ST18: variants seen among roughly 807,000 people sequenced by gnomAD.
ST18 encodes the protein suppression of tumorigenicity 18 protein.
A neutral mutation model predicts 110.0 loss-of-function variants in ST18; 50 were observed. The observed-to-expected ratio is 0.45, with a 90% CI of 0.36 to 0.58. The LOEUF (loss-of-function observed/expected upper bound fraction) is 0.58, where lower values mean the gene tolerates loss of function less well. Among genes scored for constraint, ST18 ranks in the 20% least tolerant of loss-of-function variants. The probability of loss-of-function intolerance (pLI) is 0.00; values close to 1 mark genes in which losing one functional copy is unlikely to be tolerated. For missense variants in ST18, 1,306 were observed against 1,280.1 expected (o/e 1.02, Z -0.31); for synonymous variants, 461 against 452.4 (o/e 1.02, Z -0.24).
At chr8:52,295,827 C>G (rs897499518) in intron 2 of ST18, among the ~76,000 whole-genome samples, 1 of 151,614 alleles carries the variant, frequency 6.6e-6, no homozygotes. Context: ...TGCCTCTTCC[C>G]TGCACGCTCA....
intron 5 of ST18, among the ~76,000 whole-genome samples, chr8:52,220,216 G>A (rs867146714): frequency 4.6e-5 from 7 of 152,140 alleles, no homozygotes; most frequent in Non-Finnish European, 7.4e-5. Context: ...TGCATCTGTT[G>A]CAAAATATGT....
At chr8:52,204,703 A>C (rs1417109076) in intron 8 of ST18, among the ~76,000 whole-genome samples, 3 of 152,234 alleles carry the variant, frequency 2.0e-5, no homozygotes, top group African/African-American at 7.2e-5. Flanking sequence ...ATATTACAAG[A>C]AAAGAAAAGC....
chr8:52,114,173 T>C (rs1389412720), intron 25 of ST18, among the ~76,000 whole-genome samples: 1 of 151,952 alleles, frequency 6.6e-6, no homozygotes, highest in Non-Finnish European at 1.5e-5. Context: ...TTTCACCATG[T>C]TGGCCAGGCT....
Position 52,180,252 on chromosome 8 carries a change from A to G in ST18, c.147T>C (p.Val49=), listed in dbSNP as rs2134184596. 4 of 1,614,180 alleles carry G rather than the reference A, an allele frequency of 2.5e-6. No homozygotes were observed. Among genetic ancestry groups the G allele is most frequent in the African/African-American group, 1.3e-5 (1 of 75,030 alleles). The part of the protein sequence containing the change: ...KRTAEDQALG[V]PVNKRKSLLM... ...GCAGGGATTTCCTTTTGTTGACTGGAACCCCCAAAGCCTGATCTTCAGCTG... is the reference window on the plus strand; with the variant it reads ...GCAGGGATTTCCTTTTGTTGACTGGGACCCCCAAAGCCTGATCTTCAGCTG... Residue 49 remains valine (V), a synonymous_variant, in exon 9 of 26, where the codon GTT becomes GTC. Transcript: ENST00000689386.
chr8:52,175,238 C>T (rs910259590), intron 9 of ST18, among the ~76,000 whole-genome samples: 1 of 152,128 alleles, frequency 6.6e-6, no homozygotes, highest in Non-Finnish European at 1.5e-5. Context: ...TTGCCCCTGC[C>T]CCAGCTACTA....
intron 2 of ST18, among the ~76,000 whole-genome samples, chr8:52,318,953 A>T (rs2096076206): frequency 6.6e-6 from 1 of 152,018 alleles, no homozygotes; most frequent in Admixed American, 6.6e-5. Flanking sequence ...GAGGGAGAGG[A>T]TCGGGAAGAA....
intron 2 of ST18, among the ~76,000 whole-genome samples, chr8:52,345,105 GA>G (rs1180994211): frequency 6.6e-6 from 1 of 151,882 alleles, no homozygotes; most frequent in Non-Finnish European, 1.5e-5. Flanking sequence ...CCAAAACTAG[GA>G]AAAATATCAC....
chr8:52,399,887 T>C (rs191207322), intron 2 of ST18, among the ~76,000 whole-genome samples: 2 of 152,062 alleles, frequency 1.3e-5, no homozygotes, highest in African/African-American at 4.8e-5. Flanking sequence ...ATTCTGCTGC[T>C]ATTAGATTGA....
At chr8:52,327,258 T>G (rs1342532642) in intron 2 of ST18, among the ~76,000 whole-genome samples, 1 of 152,218 alleles carries the variant, frequency 6.6e-6, no homozygotes, top group Non-Finnish European at 1.5e-5. Flanking sequence ...GGATGTCTCT[T>G]TTGGTAGAAG....
intron 2 of ST18, among the ~76,000 whole-genome samples, chr8:52,360,266 G>A (rs553909576): frequency 6.6e-6 from 1 of 151,906 alleles, no homozygotes; most frequent in Non-Finnish European, 1.5e-5. Flanking sequence ...AATTTAAAAT[G>A]CATGTTTATA....
chr8:52,150,305 CAT>C (rs905095873), intron 15 of ST18, among the ~76,000 whole-genome samples: 5 of 151,966 alleles, frequency 3.3e-5, no homozygotes, highest in Admixed American at 3.3e-4. Context: ...TATATATACA[CAT>C]ACACACACAT....
At chr8:52,192,567 C>T (rs2074898237) in intron 8 of ST18, among the ~76,000 whole-genome samples, 1 of 152,224 alleles carries the variant, frequency 6.6e-6, no homozygotes, top group Non-Finnish European at 1.5e-5. Flanking sequence ...GAGAGGCTAG[C>T]TTGGACGTGA....
chr8:52,293,310 G>T (rs1192421852), intron 2 of ST18, among the ~76,000 whole-genome samples: 1 of 152,222 alleles, frequency 6.6e-6, no homozygotes, highest in Non-Finnish European at 1.5e-5. Context: ...TGACTCTGCT[G>T]CATGAACCAG....
chr8:52,250,401 C>T (rs748547516), intron 2 of ST18, among the ~76,000 whole-genome samples: 8 of 133,868 alleles, frequency 6.0e-5, no homozygotes, highest in Non-Finnish European at 1.2e-4. Flanking sequence ...AGGCCGTTTT[C>T]CTACTATCAG....
chr8:52,111,704 A>G lies in ST18; in HGVS notation c.*1494T>C, dbSNP rs2040581797. 6.6e-6 allele frequency: 1 copy of G among 152,618 alleles called. No homozygotes were observed. Among genetic ancestry groups the G allele is most frequent in the South Asian group, 2.1e-4 (1 of 4,826 alleles). 9.5% of individuals were successfully genotyped at this position (152,618 alleles called of 1,614,324 possible). A position where few individuals can be genotyped will look rare whatever the true frequency, so the allele number is the denominator to read the frequency against. ...TAGCACAGAAAATTAAGCCCACATG[A>G]AGTTCATGTGTACATTTACACAGAG... is the stretch of plus-strand genomic sequence containing the variant. On this transcript the variant is annotated 3_prime_UTR_variant, in exon 26 of 26. Transcript: ENST00000689386.
intron 12 of ST18, among the ~76,000 whole-genome samples, chr8:52,164,600 T>A (rs552700288): frequency 4.7e-4 from 71 of 152,340 alleles, no homozygotes; most frequent in African/African-American, 1.6e-3. Context: ...TATCAAACAA[T>A]CAGCATTTTC....
At chr8:52,324,513 C>T (rs1319200895) in intron 2 of ST18, among the ~76,000 whole-genome samples, 2 of 152,102 alleles carry the variant, frequency 1.3e-5, no homozygotes, top group Non-Finnish European at 2.9e-5. Context: ...AAAGACAAGG[C>T]TCTCCAGGTG....
At chr8:52,150,887 C>T (rs773384570) in intron 15 of ST18, 1 of 152,168 alleles carries the variant, frequency 6.6e-6, no homozygotes, top group Non-Finnish European at 1.5e-5. Context: ...TCACGTGCCT[C>T]GTATGTTCTA....
At chr8:52,297,632 T>C (rs2095655234) in intron 2 of ST18, among the ~76,000 whole-genome samples, 1 of 152,312 alleles carries the variant, frequency 6.6e-6, no homozygotes, top group African/African-American at 2.4e-5. Context: ...TAAAGGCACC[T>C]ACATCAAAAC....
Sources: allele counts gnomAD v4.1 joint callset (sites outside exome capture counted in the v4.1 genomes callset), GRCh38; gene constraint gnomAD v4.1.1; transcripts MANE v1.5; gene names NCBI Gene and HGNC (gene_info 2026-07-23, HGNC 2026-07-21).